Variants in OPCML observed in about 807,000 individuals in gnomAD.
The protein encoded by OPCML is opioid-binding protein/cell adhesion molecule.
A neutral mutation model predicts 37.8 loss-of-function variants in OPCML; 13 were observed. The observed-to-expected ratio is 0.34, with a 90% CI of 0.22 to 0.55. OPCML has a LOEUF of 0.55. Among genes scored for constraint, OPCML ranks in the 20% least tolerant of loss-of-function variants. The pLI, the probability that OPCML is intolerant of heterozygous loss-of-function variation, is 0.91. For missense variants in OPCML, 341 were observed against 435.6 expected, an observed-to-expected ratio of 0.78 and a Z score of 1.93; for synonymous variants, 176 against 168.8, an observed-to-expected ratio of 1.04 and a Z score of -0.33.
intron 1 of OPCML, among the ~76,000 whole-genome samples, chr11:133,261,107 A>G (rs1351272310): frequency 2.6e-5 from 4 of 152,212 alleles, no homozygotes; most frequent in African/African-American, 9.6e-5. Context: ...TTGTTTTTGG[A>G]TATCACATCA....
At chr11:132,718,370 A>G (rs1435062699) in intron 2 of OPCML, among the ~76,000 whole-genome samples, 1 of 152,234 alleles carries the variant, frequency 6.6e-6, no homozygotes, top group Non-Finnish European at 1.5e-5. Context: ...ATGAGTATTT[A>G]GAATGATAAA....
chr11:133,439,055 C>T (rs1445406478), intron 1 of OPCML, among the ~76,000 whole-genome samples: 4 of 152,216 alleles, frequency 2.6e-5, no homozygotes, highest in South Asian at 4.1e-4. Context: ...AAAGAAATTT[C>T]CTGAGGTCTG....
At chr11:132,590,501 T>A (rs1373368258) in intron 3 of OPCML, among the ~76,000 whole-genome samples, 2 of 152,190 alleles carry the variant, frequency 1.3e-5, no homozygotes, top group Non-Finnish European at 2.9e-5. Context: ...TTTTTCAGCA[T>A]CTGTGGTTTA....
At chr11:133,276,925 T>A (rs1942011789) in intron 1 of OPCML, among the ~76,000 whole-genome samples, 1 of 152,242 alleles carries the variant, frequency 6.6e-6, no homozygotes, top group South Asian at 2.1e-4. Context: ...GACTTACAAA[T>A]GTTTCTGAAA....
chr11:132,946,844 G>A (rs1591837608), intron 1 of OPCML, among the ~76,000 whole-genome samples: 3 of 152,292 alleles, frequency 2.0e-5, no homozygotes, highest in Admixed American at 6.5e-5. Context: ...GAGTGAACCC[G>A]GGTTTCCTGA....
At chr11:133,010,033 G>A (rs1947187073) in intron 1 of OPCML, among the ~76,000 whole-genome samples, 1 of 152,176 alleles carries the variant, frequency 6.6e-6, no homozygotes, top group African/African-American at 2.4e-5. Flanking sequence ...TTCATATCCA[G>A]CAATACAACC....
chr11:132,437,212 G>T lies in OPCML; in HGVS notation c.643+10C>A. 6.2e-7 allele frequency: 1 copy of T among 1,611,212 alleles called. No individual in the cohort carries two copies. The highest frequency in any genetic ancestry group is 1.3e-5 in the African/African-American group (1 of 74,976). The stretch of plus-strand genomic sequence containing the variant: ...TTTCCCCAGAACCCCCTGGCTGCAG[G>T]TCCACTCACAGTTTACAGTGATTTT... On this transcript the variant is annotated intron_variant, in intron 5 of 7. Coordinates refer to ENST00000524381, the MANE Select transcript of OPCML (RefSeq NM_001012393.5).
At position 132,436,654 on chromosome 11, in the gene OPCML, G is replaced by A. The variant is rs376085210; in HGVS notation, c.764+5C>T. 3 of 1,614,070 alleles carry A rather than the reference G, an allele frequency of 1.9e-6. No individual in the cohort carries two copies. The highest frequency in any genetic ancestry group is 1.7e-6 in the Non-Finnish European group (2 of 1,179,962). On this transcript the variant is annotated splice_donor_5th_base_variant and intron_variant, in intron 6 of 7. Coordinates refer to ENST00000524381, the MANE Select transcript of OPCML (RefSeq NM_001012393.5). ...AGAACTGTCCAGGTGTCATTTAAAAGGTACCTGGTTTCTTCCTTGAACCAC... is the reference window on the plus strand; with the variant it reads ...AGAACTGTCCAGGTGTCATTTAAAAAGTACCTGGTTTCTTCCTTGAACCAC...
chr11:132,675,912 T>C (rs888803465), intron 2 of OPCML, among the ~76,000 whole-genome samples: 2 of 152,244 alleles, frequency 1.3e-5, no homozygotes, highest in African/African-American at 4.8e-5. Context: ...ACATTTCAGC[T>C]GGCTTCTTGG....
chr11:132,599,677 A>G (rs1370349574), intron 3 of OPCML, among the ~76,000 whole-genome samples: 2 of 152,156 alleles, frequency 1.3e-5, no homozygotes, highest in African/African-American at 4.8e-5. Context: ...ACAGGAGTCT[A>G]TAGTTTTGAT....
chr11:133,072,915 G>A (rs1182109947), intron 1 of OPCML, among the ~76,000 whole-genome samples: 2 of 152,256 alleles, frequency 1.3e-5, no homozygotes, highest in Non-Finnish European at 2.9e-5. Context: ...CCTGAGACAA[G>A]GGTTGGTGTG....
At chr11:132,623,583 T>C (rs1939558660) in intron 3 of OPCML, among the ~76,000 whole-genome samples, 1 of 152,306 alleles carries the variant, frequency 6.6e-6, no homozygotes, top group East Asian at 1.9e-4. Flanking sequence ...TTCATTTTAT[T>C]ATATACACTG....
At chr11:133,056,218 C>T (rs1443101490) in intron 1 of OPCML, among the ~76,000 whole-genome samples, 1 of 152,192 alleles carries the variant, frequency 6.6e-6, no homozygotes. Flanking sequence ...AAAAAGTCAT[C>T]CGTGGTCATT....
At chr11:132,547,737 G>T (rs2096371980) in intron 3 of OPCML, among the ~76,000 whole-genome samples, 1 of 152,164 alleles carries the variant, frequency 6.6e-6, no homozygotes, top group Admixed American at 6.5e-5. Context: ...TCCATCAAGG[G>T]GGTGGAGGGG....
intron 1 of OPCML, among the ~76,000 whole-genome samples, chr11:133,310,805 A>T (rs1158176451): frequency 6.6e-6 from 1 of 152,174 alleles, no homozygotes; most frequent in East Asian, 1.9e-4. Flanking sequence ...ACAAGTCCTC[A>T]CACAATGTGG....
intron 4 of OPCML, among the ~76,000 whole-genome samples, chr11:132,486,298 T>A (rs1200729221): frequency 3.9e-5 from 6 of 152,162 alleles, no homozygotes; most frequent in African/African-American, 1.4e-4. Flanking sequence ...ATCTTAGGGT[T>A]AGTCATTTGT....
chr11:132,739,704 TA>T (rs1945376619), intron 2 of OPCML, among the ~76,000 whole-genome samples: 2 of 152,186 alleles, frequency 1.3e-5, no homozygotes, highest in African/African-American at 2.4e-5. Flanking sequence ...AAGATGAGGA[TA>T]AAAATTTGTG....
intron 2 of OPCML, among the ~76,000 whole-genome samples, chr11:132,861,826 C>T (rs1455245603): frequency 6.8e-6 from 1 of 147,020 alleles, no homozygotes; most frequent in Non-Finnish European, 1.5e-5. Flanking sequence ...CAGAGTGAGA[C>T]TCCATCTCAA....
intron 1 of OPCML, among the ~76,000 whole-genome samples, chr11:133,442,958 C>A (rs755537144): frequency 6.6e-6 from 1 of 152,004 alleles, no homozygotes; most frequent in Non-Finnish European, 1.5e-5. Flanking sequence ...AAACATGATA[C>A]TTAATAGCAA....
Sources: gnomAD v4.1 joint callset for allele counts (sites outside exome capture counted in the v4.1 genomes callset) on GRCh38, gnomAD v4.1.1 for gene constraint, MANE v1.5 for transcripts, NCBI Gene and HGNC (gene_info 2026-07-23, HGNC 2026-07-21) for gene names.